The following OR51B2 variants were observed in gnomAD, a reference collection of about 807,000 sequenced individuals.
OR51B2 encodes the protein olfactory receptor family 51 subfamily B member 2, also known as olfactory receptor 51B2.
For missense variants in OR51B2, 463 were observed against 380.1 expected (o/e 1.22, Z -1.81); for synonymous variants, 158 against 135.3 (o/e 1.17, Z -1.16).
rs942329369 is a variant in OR51B2, at chr11:5,324,224, A to G, written c.74T>C (p.Ile25Thr). The change falls in exon 1 of 1, where the codon ATC becomes ACC. Residue 25 changes from isoleucine to threonine, a missense_variant. Coordinates refer to ENST00000624187, the MANE Select transcript of OR51B2 (RefSeq NM_033180.5). Reference sequence around the variant, plus strand: ...ATAAACAGCAAAGAAGGGGATGGAGATCCAGTGATGAGCTGCCTCCAGCCC... The same window carrying G: ...ATAAACAGCAAAGAAGGGGATGGAGGTCCAGTGATGAGCTGCCTCCAGCCC... ...FPGLEAAHHW[I>T]SIPFFAVYVC... The G allele has an allele frequency of 5.0e-6, 8 of 1,613,832 alleles. No homozygotes were observed. The African/African-American group carries it at 1.1e-4, about 22-fold the overall frequency.
rs1359874835 is a variant in OR51B2 at position 5,323,375 on chromosome 11, T to C, written c.923A>G (p.His308Arg). 7 of 1,607,268 alleles carry C rather than the reference T, an allele frequency of 4.4e-6. No homozygotes were observed. Among genetic ancestry groups the C allele is most frequent in the Non-Finnish European group, 5.1e-6 (6 of 1,174,396 alleles). Residue 308 changes from histidine (H) to arginine (R), a missense_variant, in exon 1 of 1, where the codon CAT (histidine) becomes CGT (arginine). His to Arg is a conservative substitution (Grantham distance 29). Coordinates refer to ENST00000624187, the MANE Select transcript of OR51B2 (RefSeq NM_033180.5). ...QYGIIRLLSK[H>R]RFSS ...GATCCGAGTTTAACTACTAAACCTATGTTTAGATAAAAGGCGGATAATGCC... is the reference window on the plus strand; with the variant it reads ...GATCCGAGTTTAACTACTAAACCTACGTTTAGATAAAAGGCGGATAATGCC...
chr11:5,323,818 A>T lies in OR51B2; in HGVS notation c.480T>A (p.Arg160=). Residue 160 remains arginine, a synonymous_variant, in exon 1 of 1, where the codon CGT becomes CGA. Transcript: ENST00000624187. ...GFVSILPVIL[R]LFSFSYCKSH... ...ATTTGCAATATGAAAATGAAAAAAG[A>T]CGCAAAATTACAGGCAGGATGGATA... 1 of 1,614,050 alleles carries T rather than the reference A, an allele frequency of 6.2e-7. No homozygotes were observed. The highest frequency in any genetic ancestry group is 1.7e-4 in the Middle Eastern group (1 of 6,060).
chr11:5,323,469 T>G lies in OR51B2; in HGVS notation c.829A>C (p.Ile277Leu). 2 of 1,613,492 alleles carry G rather than the reference T, an allele frequency of 1.2e-6. No homozygotes were observed. The highest frequency in any genetic ancestry group is 8.5e-7 in the Non-Finnish European group (1 of 1,179,468). ...PEVVHIIMSY[I>L]YFLFPPLMNP... ...ATTAAAGGAGGAAAGAGGAAGTAGA[T>G]GTAACTCATGATAATGTGGACAACC... is the stretch of plus-strand genomic sequence containing the variant. The change falls in exon 1 of 1, where the codon ATC (isoleucine) becomes CTC (leucine). Residue 277 changes from isoleucine (I) to leucine (L), a missense_variant. Physicochemically the swap from Ile to Leu is conservative, Grantham distance 5 (BLOSUM62 2). Coordinates refer to ENST00000624187, the MANE Select transcript of OR51B2 (RefSeq NM_033180.5).
Position 5,323,848 on chromosome 11 carries a change from A to G in OR51B2, c.450T>C (p.Gly150=), listed in dbSNP as rs75168207. The G allele has an allele frequency of 5.8e-4, 939 of 1,613,944 alleles. 9 individuals are homozygous for G. In the African/African-American group the frequency reaches 0.011, roughly 19 times the overall value. The change falls in exon 1 of 1, where the codon GGT becomes GGC. Residue 150 remains glycine (G), a synonymous_variant. Coordinates refer to ENST00000624187, the MANE Select transcript of OR51B2 (RefSeq NM_033180.5). ...IALGVGVFLR[G]FVSILPVILR... ...AAATTACAGGCAGGATGGATACAAA[A>G]CCCCTTAGAAACACTCCCACTCCTA...
chr11:5,324,030 T>C lies in OR51B2; in HGVS notation c.268A>G (p.Ile90Val). The change falls in exon 1 of 1, where the codon ATT becomes GTT. Residue 90 changes from isoleucine to valine, a missense_variant. By Grantham distance (29) the Ile-to-Val change is conservative. Coordinates refer to ENST00000624187, the MANE Select transcript of OR51B2 (RefSeq NM_033180.5). ...MGILWVNHRE[I>V]SSVGCFLQAY... Reference sequence around the variant, plus strand: ...TGTAGGAAGCAGCCCACACTGCTAATCTCCCTGTGATTCACCCATAGGATG... The same window carrying C: ...TGTAGGAAGCAGCCCACACTGCTAACCTCCCTGTGATTCACCCATAGGATG... The C allele has an allele frequency of 4.3e-6, 7 of 1,613,960 alleles. No homozygotes were observed. Among genetic ancestry groups the C allele is most frequent in the Non-Finnish European group, 5.9e-6 (7 of 1,179,950 alleles).
At position 5,323,697 on chromosome 11, in the gene OR51B2, T is replaced by A. The variant is rs749382965; in HGVS notation, c.601A>T (p.Ile201Phe). ...TFNRLYPVIL[I>F]SLTIFLDCLI... ...CAGTCTAGGAAGATTGTTAAAGAGA[T>A]CAAAATTACAGGGTAAAGTCTATTG... The change falls in exon 1 of 1, where the codon ATC becomes TTC. Residue 201 changes from isoleucine to phenylalanine, a missense_variant. Ile to Phe is a conservative substitution (Grantham distance 21). Coordinates refer to ENST00000624187, the MANE Select transcript of OR51B2 (RefSeq NM_033180.5). 5 of 1,612,672 alleles carry A rather than the reference T, an allele frequency of 3.1e-6. No homozygotes were observed. The Admixed American group carries it at 8.4e-5, about 27-fold the overall frequency.
chr11:5,323,459 A>G lies in OR51B2; in HGVS notation c.839T>C (p.Leu280Pro). The part of the protein sequence containing the change: ...VHIIMSYIYF[L>P]FPPLMNPVIY... ...GACAGGGTTCATTAAAGGAGGAAAG[A>G]GGAAGTAGATGTAACTCATGATAAT... Residue 280 changes from leucine (L) to proline (P), a missense_variant, in exon 1 of 1, where the codon CTC (leucine) becomes CCC (proline). Transcript: ENST00000624187. 1.2e-6 allele frequency: 2 copies of G among 1,613,512 alleles called. No homozygotes were observed. The highest frequency in any genetic ancestry group is 1.1e-5 in the South Asian group (1 of 91,080).
rs1848700041 is a variant in OR51B2, at chr11:5,323,577, A to G, written c.721T>C (p.Ser241Pro). The change falls in exon 1 of 1, where the codon TCC becomes CCC. Residue 241 changes from serine to proline, a missense_variant. Coordinates refer to ENST00000624187, the MANE Select transcript of OR51B2 (RefSeq NM_033180.5). ...ERAKALNTCI[S>P]HISCVLIFYV... ...AAGATAAGAACACAACTAATGTGGG[A>G]GATACAGGTATTGAGGGCTTTGGCT... 1.2e-6 allele frequency: 2 copies of G among 1,613,150 alleles called. No individual in the cohort carries two copies. Among genetic ancestry groups the G allele is most frequent in the East Asian group, 4.5e-5 (2 of 44,860 alleles).
Position 5,324,252 on chromosome 11 carries a change from G to GA in OR51B2, c.45dup (p.Pro16SerfsTer35), listed in dbSNP as rs1848711206. 6.2e-7 allele frequency: 1 copy of GA among 1,613,788 alleles called. No individual in the cohort carries two copies. The highest frequency in any genetic ancestry group is 8.5e-7 in the Non-Finnish European group (1 of 1,179,822). Reference sequence around the variant, plus strand: ...CAGTGATGAGCTGCCTCCAGCCCTGGAAAGCCAGTCAGCAAAAAAGGGGCT... The same window carrying GA: ...CAGTGATGAGCTGCCTCCAGCCCTGGAAAAGCCAGTCAGCAAAAAAGGGGCT... On this transcript the variant is annotated frameshift_variant, in exon 1 of 1. Transcript: ENST00000624187. LOFTEE classifies it low-confidence loss of function (END_TRUNC).
At position 5,323,842 on chromosome 11, in the gene OR51B2, T is replaced by C; in HGVS notation, c.456A>G (p.Val152=). 1 of 1,613,992 alleles carries C rather than the reference T, an allele frequency of 6.2e-7. No homozygotes were observed. Among genetic ancestry groups the C allele is most frequent in the Non-Finnish European group, 8.5e-7 (1 of 1,179,982 alleles). The part of the protein sequence containing the change: ...LGVGVFLRGF[V]SILPVILRLF... The stretch of plus-strand genomic sequence containing the variant: ...GACGCAAAATTACAGGCAGGATGGA[T>C]ACAAAACCCCTTAGAAACACTCCCA... Residue 152 remains valine (V), a synonymous_variant, in exon 1 of 1, where the codon GTA becomes GTG. Coordinates refer to ENST00000624187, the MANE Select transcript of OR51B2 (RefSeq NM_033180.5).
At position 5,323,529 on chromosome 11, in the gene OR51B2, T is replaced by G. The variant is rs763208966; in HGVS notation, c.769A>C (p.Thr257Pro). ...LIFYVTVMGL[T>P]FIYRFGKNVP... ...TTCTTCCCAAATCTGTAAATGAATGTCAAACCCATCACTGTAACATAGAAG... is the reference window on the plus strand; with the variant it reads ...TTCTTCCCAAATCTGTAAATGAATGGCAAACCCATCACTGTAACATAGAAG... Residue 257 changes from threonine to proline, a missense_variant, in exon 1 of 1, where the codon ACA (threonine) becomes CCA (proline). Transcript: ENST00000624187. The G allele has an allele frequency of 6.2e-7, 1 of 1,613,710 alleles. No homozygotes were observed. The highest frequency in any genetic ancestry group is 1.3e-5 in the African/African-American group (1 of 75,014).
chr11:5,323,688 T>A lies in OR51B2; in HGVS notation c.610A>T (p.Thr204Ser). 4 of 1,612,992 alleles carry A rather than the reference T, an allele frequency of 2.5e-6. No individual in the cohort carries two copies. In the East Asian group the frequency reaches 8.9e-5, roughly 36 times the overall value. ...ATGATCAGACAGTCTAGGAAGATTG[T>A]TAAAGAGATCAAAATTACAGGGTAA... is the stretch of plus-strand genomic sequence containing the variant. ...RLYPVILISL[T>S]IFLDCLIILF... is the part of the protein sequence containing the mutation. The change falls in exon 1 of 1, where the codon ACA becomes TCA. Residue 204 changes from threonine (T) to serine (S), a missense_variant. Transcript: ENST00000624187.
rs751986402 is a variant in OR51B2 at position 5,323,476 on chromosome 11, C to T, written c.822G>A (p.Met274Ile). 1.2e-6 allele frequency: 2 copies of T among 1,613,528 alleles called. No individual in the cohort carries two copies. The highest frequency in any genetic ancestry group is 1.3e-5 in the African/African-American group (1 of 75,002). ...KNVPEVVHII[M>I]SYIYFLFPPL... ...GAGGAAAGAGGAAGTAGATGTAACT[C>T]ATGATAATGTGGACAACCTCTGGCA... Residue 274 changes from methionine to isoleucine, a missense_variant, in exon 1 of 1, where the codon ATG (methionine) becomes ATA (isoleucine). By Grantham distance (10) the Met-to-Ile change is conservative. Coordinates refer to ENST00000624187, the MANE Select transcript of OR51B2 (RefSeq NM_033180.5).
chr11:5,323,802 A>G lies in OR51B2; in HGVS notation c.496T>C (p.Tyr166His). The G allele has an allele frequency of 6.2e-7, 1 of 1,614,026 alleles. No homozygotes were observed. Among genetic ancestry groups the G allele is most frequent in the Non-Finnish European group, 8.5e-7 (1 of 1,179,998 alleles). ...CGTGTGATAACATGAGATTTGCAAT[A>G]TGAAAATGAAAAAAGACGCAAAATT... ...PVILRLFSFS[Y>H]CKSHVITRAF... Residue 166 changes from tyrosine (Y) to histidine (H), a missense_variant, in exon 1 of 1, where the codon TAT becomes CAT. Physicochemically the swap from Tyr to His is moderately conservative, Grantham distance 83 (BLOSUM62 2). Coordinates refer to ENST00000624187, the MANE Select transcript of OR51B2 (RefSeq NM_033180.5).
Position 5,323,432 on chromosome 11 carries a change from A to T in OR51B2, c.866T>A (p.Ile289Asn). ...FLFPPLMNPV[I>N]YSIKTKQIQY... is the part of the protein sequence containing the mutation. ...TATTTGCTTGGTTTTGATGCTGTAGATGACAGGGTTCATTAAAGGAGGAAA... is the reference window on the plus strand; with the variant it reads ...TATTTGCTTGGTTTTGATGCTGTAGTTGACAGGGTTCATTAAAGGAGGAAA... The change falls in exon 1 of 1, where the codon ATC becomes AAC. Residue 289 changes from isoleucine to asparagine, a missense_variant. Ile to Asn is a moderately radical substitution (Grantham distance 149). Coordinates refer to ENST00000624187, the MANE Select transcript of OR51B2 (RefSeq NM_033180.5). 1 of 1,613,832 alleles carries T rather than the reference A, an allele frequency of 6.2e-7. No homozygotes were observed. The highest frequency in any genetic ancestry group is 8.5e-7 in the Non-Finnish European group (1 of 1,179,784).
rs749017501 is a variant in OR51B2, at chr11:5,324,277, T to A, written c.21A>T (p.Ala7=). 2.5e-6 allele frequency: 4 copies of A among 1,612,916 alleles called. No homozygotes were observed. In the Admixed American group the frequency reaches 6.7e-5, roughly 27 times the overall value. MWPNIT[A]APFLLTGFPG... is the part of the protein sequence containing the mutation. ...GAAAGCCAGTCAGCAAAAAAGGGGC[T>A]GCAGTAATATTGGGCCACATAGTGT... Residue 7 remains alanine (A), a synonymous_variant, in exon 1 of 1, where the codon GCA becomes GCT. Coordinates refer to ENST00000624187, the MANE Select transcript of OR51B2 (RefSeq NM_033180.5).
chr11:5,324,021 C>A lies in OR51B2; in HGVS notation c.277G>T (p.Val93Leu). Residue 93 changes from valine to leucine, a missense_variant, in exon 1 of 1, where the codon GTG (valine) becomes TTG (leucine). Transcript: ENST00000624187. ...AAGTAAGCCTGTAGGAAGCAGCCCA[C>A]ACTGCTAATCTCCCTGTGATTCACC... Reference protein sequence around the residue: ...LWVNHREISSVGCFLQAYFIH... With the variant: ...LWVNHREISSLGCFLQAYFIH... The A allele has an allele frequency of 6.2e-7, 1 of 1,613,996 alleles. No homozygotes were observed. The highest frequency in any genetic ancestry group is 1.1e-5 in the South Asian group (1 of 91,068).
chr11:5,324,207 C>T lies in OR51B2; in HGVS notation c.91G>A (p.Ala31Thr). The T allele has an allele frequency of 6.2e-7, 1 of 1,613,932 alleles. No individual in the cohort carries two copies. Among genetic ancestry groups the T allele is most frequent in the Non-Finnish European group, 8.5e-7 (1 of 1,179,910 alleles). Residue 31 changes from alanine (A) to threonine (T), a missense_variant, in exon 1 of 1, where the codon GCT becomes ACT. By Grantham distance (58) the Ala-to-Thr change is moderately conservative. Coordinates refer to ENST00000624187, the MANE Select transcript of OR51B2 (RefSeq NM_033180.5). ...CCCAGAAGGATGCACACATAAACAG[C>T]AAAGAAGGGGATGGAGATCCAGTGA... ...AHHWISIPFF[A>T]VYVCILLGNG...
chr11:5,324,273 G>A lies in OR51B2; in HGVS notation c.25C>T (p.Pro9Ser), dbSNP rs144922727. The stretch of plus-strand genomic sequence containing the variant: ...CCTGGAAAGCCAGTCAGCAAAAAAG[G>A]GGCTGCAGTAATATTGGGCCACATA... MWPNITAA[P>S]FLLTGFPGLE... Residue 9 changes from proline (P) to serine (S), a missense_variant, in exon 1 of 1, where the codon CCT (proline) becomes TCT (serine). Physicochemically the swap from Pro to Ser is moderately conservative, Grantham distance 74. Transcript: ENST00000624187. 6.2e-7 allele frequency: 1 copy of A among 1,613,144 alleles called. No homozygotes were observed. The highest frequency in any genetic ancestry group is 1.3e-5 in the African/African-American group (1 of 74,898).
Sources: gnomAD v4.1 joint callset for allele counts on GRCh38, gnomAD v4.1.1 for gene constraint, MANE v1.5 for transcripts, NCBI Gene and HGNC (gene_info 2026-07-23, HGNC 2026-07-21) for gene names.